The following SMARCA2 variants were observed in gnomAD, a reference collection of about 807,000 sequenced individuals.
SMARCA2 encodes the protein SWI/SNF-related matrix-associated actin-dependent regulator of chromatin subfamily A member 2.
A neutral mutation model predicts 199.8 loss-of-function variants in SMARCA2; 61 were observed. That is an observed-to-expected ratio of 0.31 (90% CI 0.25 to 0.38). The LOEUF (loss-of-function observed/expected upper bound fraction) is 0.38, where lower values mean the gene tolerates loss of function less well. Among genes scored for constraint, SMARCA2 ranks in the 10% least tolerant of loss-of-function variants. The probability of loss-of-function intolerance (pLI) is 1.00; values close to 1 mark genes in which losing one functional copy is unlikely to be tolerated. For synonymous variants in SMARCA2, 935 were observed against 732.0 expected, an observed-to-expected ratio of 1.28 and a Z score of -4.48; for missense variants, 1,344 against 2,012.2, an observed-to-expected ratio of 0.67 and a Z score of 6.35.
chr9:2,176,354 T>A (rs756822034), intron 29 of SMARCA2, among the ~76,000 whole-genome samples: 2 of 152,144 alleles, frequency 1.3e-5, no homozygotes, highest in Non-Finnish European at 2.9e-5. Flanking sequence ...TTGATGATTA[T>A]CTGTTTCAGC....
At chr9:2,191,560 C>A in intron 33 of SMARCA2, 152 bp downstream of exon 33, 1 of 818,156 alleles carries the variant, frequency 1.2e-6, no homozygotes, top group Non-Finnish European at 2.0e-6. Context: ...GGGATGTGAA[C>A]GGAGCTGTAT....
rs747560119 is a variant in SMARCA2, at chr9:2,170,495, C to T, written c.4253+23C>T. On this transcript the variant is annotated intron_variant, in intron 29 of 33. Transcript: ENST00000349721. The surrounding 1 kb of genome is among the most constrained non-coding windows in gnomAD (Gnocchi z 4.7). The stretch of plus-strand genomic sequence containing the variant: ...CAGGTCAGGATCTGTCTTGTATTCC[C>T]CTATCTCTAAATACAGGTATCCCTC... The T allele has an allele frequency of 1.2e-6, 2 of 1,613,852 alleles. No homozygotes were observed. The highest frequency in any genetic ancestry group is 2.2e-5 in the South Asian group (2 of 91,014).
intron 9 of SMARCA2, among the ~76,000 whole-genome samples, chr9:2,066,784 C>A (rs1352511632): frequency 3.3e-5 from 5 of 152,172 alleles, no homozygotes; most frequent in African/African-American, 1.2e-4. Flanking sequence ...ATGAAAATTT[C>A]TCAGGTGGCA....
chr9:2,182,570 G>A (rs1410608007), intron 31 of SMARCA2, among the ~76,000 whole-genome samples: 2 of 120,072 alleles, frequency 1.7e-5, no homozygotes, highest in Admixed American at 9.9e-5. Flanking sequence ...CTCGGCTCAT[G>A]GCAACCTCCG....
At position 2,176,875 on chromosome 9, in the gene SMARCA2, A is replaced by G. The variant is rs141003411; in HGVS notation, c.4254-4696A>G. On this transcript the variant is annotated intron_variant, in intron 29 of 33. Transcript: ENST00000349721. ...GCCCCAACATTGGGGTGATTTTAACAGCTACTGATTCCATGACCCAAACAA... is the reference window on the plus strand; with the variant it reads ...GCCCCAACATTGGGGTGATTTTAACGGCTACTGATTCCATGACCCAAACAA... Among the ~76,000 whole-genome samples, 213 of 152,218 alleles carry G rather than the reference A, an allele frequency of 1.4e-3. 1 individual carries two copies. The highest frequency in any genetic ancestry group is 4.3e-3 in the African/African-American group (180 of 41,526).
At chr9:2,129,094 A>G (rs1172473854) in intron 27 of SMARCA2, among the ~76,000 whole-genome samples, 1 of 152,172 alleles carries the variant, frequency 6.6e-6, no homozygotes, top group Non-Finnish European at 1.5e-5. Flanking sequence ...GCCATTAGCA[A>G]CGGATTCGGA....
At chr9:2,055,347 A>G (rs1277425833) in intron 6 of SMARCA2, among the ~76,000 whole-genome samples, 1 of 152,230 alleles carries the variant, frequency 6.6e-6, no homozygotes, top group Non-Finnish European at 1.5e-5. Context: ...TGATTTCTAA[A>G]TTAGTAAGAG....
intron 27 of SMARCA2, chr9:2,158,007 G>A (rs993600121): frequency 8.1e-5 from 32 of 395,826 alleles, no homozygotes; most frequent in Non-Finnish European, 1.4e-4. Context: ...CTGCATGACT[G>A]TCTCCTGCAT....
At chr9:2,191,497 G>T (rs969626032) in intron 33 of SMARCA2, 89 bp downstream of exon 33, 5 of 1,395,722 alleles carry the variant, frequency 3.6e-6, no homozygotes, top group Admixed American at 1.9e-5. Flanking sequence ...CAGCCTTTTC[G>T]CTTTATTACC....
chr9:2,152,529 G>A (rs1381542456), intron 27 of SMARCA2, among the ~76,000 whole-genome samples: 1 of 151,982 alleles, frequency 6.6e-6, no homozygotes, highest in Non-Finnish European at 1.5e-5. Flanking sequence ...CTCCAGCCTG[G>A]GCAACAGAGC....
At chr9:2,111,793 G>A (rs1464695577) in intron 24 of SMARCA2, among the ~76,000 whole-genome samples, 2 of 152,144 alleles carry the variant, frequency 1.3e-5, no homozygotes, top group Non-Finnish European at 2.9e-5. Context: ...CTTCCTTTGA[G>A]CGCTCCCAGG....
intron 9 of SMARCA2, among the ~76,000 whole-genome samples, chr9:2,061,667 A>C (rs986068612): frequency 1.2e-4 from 19 of 152,276 alleles, no homozygotes; most frequent in Middle Eastern, 6.8e-3. Context: ...CCAGTCGTCT[A>C]GTTAGTGGTT....
chr9:2,162,162 G>C (rs183158939), intron 28 of SMARCA2, among the ~76,000 whole-genome samples: 1 of 152,258 alleles, frequency 6.6e-6, no homozygotes, highest in African/African-American at 2.4e-5. Context: ...ATTAGAAAAG[G>C]ATTCTTAAGG....
chr9:2,056,935 C>T lies in SMARCA2; in HGVS notation c.1347+90C>T. ...GGGGTCAGAATGACTGAAAAATGGA[C>T]CCTTGTGGGTGGTGGGGACATCACA... is the stretch of plus-strand genomic sequence containing the variant. On this transcript the variant is annotated intron_variant, in intron 7 of 33. Transcript: ENST00000349721. This position sits in a 1 kb window ranked among gnomAD's most constrained non-coding sequence, Gnocchi z 4.0. 1 of 1,193,572 alleles carries T rather than the reference C, an allele frequency of 8.4e-7. No homozygotes were observed. The highest frequency in any genetic ancestry group is 1.2e-6 in the Non-Finnish European group (1 of 843,252). The allele number at this position is 1,193,572 out of a possible 1,614,324, so 73.9% of individuals were successfully genotyped here.
chr9:2,140,192 A>G (rs1034679544), intron 27 of SMARCA2, among the ~76,000 whole-genome samples: 10 of 152,224 alleles, frequency 6.6e-5, no homozygotes, highest in Admixed American at 5.2e-4. Flanking sequence ...AATCCCCTGC[A>G]TACTGTCTAG....
At chr9:2,109,879 C>T (rs375308780) in intron 23 of SMARCA2, among the ~76,000 whole-genome samples, 17 of 151,828 alleles carry the variant, frequency 1.1e-4, no homozygotes, top group African/African-American at 3.9e-4. Context: ...TTTAAGTGCA[C>T]GTGTGTGTGT....
intron 27 of SMARCA2, among the ~76,000 whole-genome samples, chr9:2,134,398 C>T (rs1824104930): frequency 6.6e-6 from 1 of 152,180 alleles, no homozygotes; most frequent in Non-Finnish European, 1.5e-5. Context: ...GCCATTAACT[C>T]TCTTTACCCT....
intron 27 of SMARCA2, among the ~76,000 whole-genome samples, chr9:2,140,819 A>G (rs1824426164): frequency 6.6e-6 from 1 of 151,980 alleles, no homozygotes; most frequent in Non-Finnish European, 1.5e-5. Flanking sequence ...CCCATGATGC[A>G]CACCGAGCCC....
intron 27 of SMARCA2, among the ~76,000 whole-genome samples, chr9:2,124,617 T>G (rs886559349): frequency 5.3e-5 from 8 of 152,218 alleles, no homozygotes; most frequent in African/African-American, 1.9e-4. Flanking sequence ...AAACACAGAT[T>G]AGAGCCTGGG....
Sources: allele counts gnomAD v4.1 joint callset (sites outside exome capture counted in the v4.1 genomes callset), GRCh38; gene constraint gnomAD v4.1.1; non-coding constraint Gnocchi (gnomAD v3.1); transcripts MANE v1.5; gene names NCBI Gene and HGNC (gene_info 2026-07-23, HGNC 2026-07-21).